Variants in MRAP2 observed in about 807,000 individuals in gnomAD.
MRAP2 encodes melanocortin 2 receptor accessory protein 2, also known as melanocortin-2 receptor accessory protein 2.
Under a neutral mutation model 17.4 loss-of-function variants are expected in MRAP2, and 20 were observed. The ratio of observed to expected loss-of-function variants is 1.15; its 90% CI spans 0.81 to 1.67. The LOEUF is 1.67. Among genes scored for constraint, MRAP2 ranks in the 40% most tolerant of loss-of-function variants. MRAP2 has a pLI of 0.00. For synonymous variants in MRAP2, 96 were observed against 88.4 expected, an observed-to-expected ratio of 1.09 and a Z score of -0.48; for missense variants, 238 against 240.0, an observed-to-expected ratio of 0.99 and a Z score of 0.05.
the MRAP2 span, among the ~76,000 whole-genome samples, chr6:84,110,757 C>G: frequency 2.6e-5 from 4 of 152,188 alleles, no homozygotes; most frequent in African/African-American, 4.8e-5. Flanking sequence ...GTCTGTGATC[C>G]ATCTTGAGTT....
intron 2 of MRAP2, chr6:84,062,517 A>G (rs2099493423): frequency 2.0e-6 from 2 of 983,354 alleles, no homozygotes; most frequent in Non-Finnish European, 2.4e-6. Context: ...TTTTAACAGT[A>G]GGAATCCAAA....
intron 2 of MRAP2, among the ~76,000 whole-genome samples, chr6:84,058,380 A>G (rs1424321695): frequency 6.6e-6 from 1 of 152,214 alleles, no homozygotes; most frequent in Non-Finnish European, 1.5e-5. Flanking sequence ...AAGAGAAAGA[A>G]GAGTCAAGAA....
chr6:84,058,996 A>G (rs568184227), intron 2 of MRAP2, among the ~76,000 whole-genome samples: 12 of 152,284 alleles, frequency 7.9e-5, no homozygotes, highest in South Asian at 2.1e-4. Context: ...TGTACAGACA[A>G]ATCTCTCAAG....
chr6:84,095,032 G>GT (rs1011937329), downstream of MRAP2, among the ~76,000 whole-genome samples: 2 of 152,016 alleles, frequency 1.3e-5, no homozygotes, highest in African/African-American at 4.8e-5. Context: ...GTTGTGTTTT[G>GT]TTTTTTTACA....
chr6:84,124,985 G>C, the MRAP2 span: 15 of 1,011,326 alleles, frequency 1.5e-5, no homozygotes, highest in Admixed American at 2.1e-4. Context: ...TGGAACACTT[G>C]TTTTTCATAA....
the MRAP2 span, among the ~76,000 whole-genome samples, chr6:84,133,800 C>T: frequency 6.6e-6 from 1 of 152,254 alleles, no homozygotes; most frequent in East Asian, 1.9e-4. Context: ...ATTCCCAGAC[C>T]CCTTGCGCTT....
chr6:84,100,004 C>T, the MRAP2 span, among the ~76,000 whole-genome samples: 8 of 151,956 alleles, frequency 5.3e-5, no homozygotes, highest in African/African-American at 9.7e-5. Context: ...GGATTACAGG[C>T]GCATGCCCCC....
At chr6:84,100,243 G>GT in the MRAP2 span, among the ~76,000 whole-genome samples, 1 of 152,022 alleles carries the variant, frequency 6.6e-6, no homozygotes, top group Non-Finnish European at 1.5e-5. Flanking sequence ...TTTAGAATCA[G>GT]TTTTTTATTT....
chr6:84,068,681 G>A (rs945133365), intron 3 of MRAP2, among the ~76,000 whole-genome samples: 2 of 151,638 alleles, frequency 1.3e-5, no homozygotes, highest in African/African-American at 4.8e-5. Flanking sequence ...ATTGTAAAAG[G>A]GGATTAAGTT....
intron 1 of MRAP2, 40 bp downstream of exon 1, chr6:84,033,923 G>T (rs1464908319): frequency 2.0e-6 from 2 of 985,874 alleles, no homozygotes; most frequent in Non-Finnish European, 2.4e-6. Context: ...GCGGAGCAAA[G>T]CCCGGGCGCT....
At chr6:84,049,501 T>C (rs1270752570) in intron 1 of MRAP2, among the ~76,000 whole-genome samples, 1 of 152,138 alleles carries the variant, frequency 6.6e-6, no homozygotes, top group Non-Finnish European at 1.5e-5. Flanking sequence ...TACTACTATA[T>C]AGGTGCCCAG....
chr6:84,043,362 A>G (rs1191766921), intron 1 of MRAP2, among the ~76,000 whole-genome samples: 1 of 152,118 alleles, frequency 6.6e-6, no homozygotes, highest in African/African-American at 2.4e-5. Context: ...ACATAATGGG[A>G]TTTAAGAGAA....
chr6:84,129,636 C>T, the MRAP2 span, among the ~76,000 whole-genome samples: 77 of 152,156 alleles, frequency 5.1e-4, no homozygotes, highest in African/African-American at 1.8e-3. Flanking sequence ...TGTAGGGTGC[C>T]TGTTCACTCC....
At chr6:84,051,652 G>A (rs1042767578) in intron 1 of MRAP2, among the ~76,000 whole-genome samples, 3 of 152,176 alleles carry the variant, frequency 2.0e-5, no homozygotes, top group African/African-American at 7.2e-5. Flanking sequence ...CAGCCAGGGA[G>A]GTCAATGCTG....
At chr6:84,045,709 G>A (rs942551254) in intron 1 of MRAP2, among the ~76,000 whole-genome samples, 1 of 152,068 alleles carries the variant, frequency 6.6e-6, no homozygotes, top group Non-Finnish European at 1.5e-5. Flanking sequence ...GTTGCATTGA[G>A]CTGAGATCAC....
chr6:84,077,616 A>G (rs2099497935), intron 3 of MRAP2, among the ~76,000 whole-genome samples: 1 of 152,182 alleles, frequency 6.6e-6, no homozygotes, highest in Non-Finnish European at 1.5e-5. Flanking sequence ...CAGGTCTGGA[A>G]CATTCTTGGT....
chr6:84,111,654 G>T, the MRAP2 span, among the ~76,000 whole-genome samples: 4 of 152,188 alleles, frequency 2.6e-5, no homozygotes, highest in Admixed American at 2.6e-4. Flanking sequence ...AATAGGAGTG[G>T]TGAGAGAGGG....
At chr6:84,125,428 G>A in the MRAP2 span, among the ~76,000 whole-genome samples, 5 of 139,704 alleles carry the variant, frequency 3.6e-5, no homozygotes, top group African/African-American at 1.7e-4. Context: ...CTGTCTTCAA[G>A]GAGTATATAC....
intron 3 of MRAP2, among the ~76,000 whole-genome samples, chr6:84,078,283 A>T (rs145539630): frequency 6.6e-6 from 1 of 152,340 alleles, no homozygotes; most frequent in East Asian, 1.9e-4. Flanking sequence ...AACTTCCACA[A>T]GTCAAGAACA....
Sources: allele counts gnomAD v4.1 joint callset (sites outside exome capture counted in the v4.1 genomes callset), GRCh38; gene constraint gnomAD v4.1.1; transcripts MANE v1.5; gene names NCBI Gene and HGNC (gene_info 2026-07-23, HGNC 2026-07-21).